ENTREP2: variants seen among roughly 807,000 people sequenced by gnomAD.
The protein encoded by ENTREP2 is protein ENTREP2.
At chr15:29,609,837 A>G in the ENTREP2 span, 18 of 150,526 alleles carry the variant, frequency 1.2e-4, no homozygotes, top group African/African-American at 4.4e-4. Flanking sequence ...ATATGAACAC[A>G]GTAGGTGCTC....
At chr15:29,269,260 C>CTCT in the ENTREP2 span, 4 of 1,614,030 alleles carry the variant, frequency 2.5e-6, no homozygotes, top group African/African-American at 1.3e-5. Flanking sequence ...GTAAGTGTTG[C>CTCT]TCTTGGGTTC....
chr15:29,160,295 T>C, the ENTREP2 span, among the ~76,000 whole-genome samples: 1 of 152,162 alleles, frequency 6.6e-6, no homozygotes, highest in African/African-American at 2.4e-5. Flanking sequence ...GAACCGACTC[T>C]GGCCTTGGCA....
At chr15:29,596,472 G>A in the ENTREP2 span, among the ~76,000 whole-genome samples, 1 of 152,086 alleles carries the variant, frequency 6.6e-6, no homozygotes, top group Non-Finnish European at 1.5e-5. Context: ...TCCCTAGGGG[G>A]CACAACTTTA....
chr15:29,255,661 AT>A, the ENTREP2 span, among the ~76,000 whole-genome samples: 1 of 152,128 alleles, frequency 6.6e-6, no homozygotes, highest in African/African-American at 2.4e-5. Context: ...GATAAGGAAA[AT>A]TCCATGGTAC....
At chr15:29,655,793 A>AG in the ENTREP2 span, among the ~76,000 whole-genome samples, 13 of 152,298 alleles carry the variant, frequency 8.5e-5, no homozygotes, top group South Asian at 2.1e-4. Flanking sequence ...GAGGAGGCCA[A>AG]GGGGGGTGGA....
chr15:29,366,862 A>G, the ENTREP2 span, among the ~76,000 whole-genome samples: 2 of 152,156 alleles, frequency 1.3e-5, no homozygotes, highest in Non-Finnish European at 2.9e-5. Flanking sequence ...CTCAAATAAG[A>G]CCCTTGAACA....
chr15:29,365,757 A>G, the ENTREP2 span, among the ~76,000 whole-genome samples: 29 of 152,150 alleles, frequency 1.9e-4, no homozygotes, highest in South Asian at 5.4e-3. Context: ...ACAAAACTGA[A>G]TCTAATAAAG....
chr15:29,157,697 G>C, the ENTREP2 span, among the ~76,000 whole-genome samples: 3 of 150,912 alleles, frequency 2.0e-5, no homozygotes, highest in Non-Finnish European at 2.9e-5. Context: ...TATCTCAGGA[G>C]AACAATTCAA....
the ENTREP2 span, among the ~76,000 whole-genome samples, chr15:29,291,016 G>A: frequency 6.6e-6 from 1 of 152,174 alleles, no homozygotes; most frequent in African/African-American, 2.4e-5. Flanking sequence ...TGAGTCTGGT[G>A]AATGGACATG....
At chr15:29,402,277 T>C in the ENTREP2 span, among the ~76,000 whole-genome samples, 4 of 141,462 alleles carry the variant, frequency 2.8e-5, no homozygotes, top group Non-Finnish European at 6.1e-5. Flanking sequence ...CACACACATA[T>C]ATATGTATAT....
chr15:29,138,645 ATGTG>A, the ENTREP2 span, among the ~76,000 whole-genome samples: 2 of 150,358 alleles, frequency 1.3e-5, no homozygotes, highest in African/African-American at 2.5e-5. Flanking sequence ...GTATATGTGT[ATGTG>A]TATGTGCATG....
the ENTREP2 span, among the ~76,000 whole-genome samples, chr15:29,162,853 G>A: frequency 5.7e-4 from 87 of 152,136 alleles, no homozygotes; most frequent in African/African-American, 2.0e-3. Context: ...AGGCCAACCC[G>A]CACAAAAATA....
chr15:29,177,068 G>A, the ENTREP2 span, among the ~76,000 whole-genome samples: 1 of 152,206 alleles, frequency 6.6e-6, no homozygotes, highest in African/African-American at 2.4e-5. Flanking sequence ...GGAAGAGTTG[G>A]AGGGACGCCC....
chr15:29,444,174 GAAAGAAAGAAAGAAAGAAAGAAAGAA>G, the ENTREP2 span, among the ~76,000 whole-genome samples: 2 of 29,686 alleles, frequency 6.7e-5, no homozygotes, highest in African/African-American at 2.8e-4. Context: ...GACAGACAAA[GAAAGAAAGAAAGAAAGAAAGAAAGAA>G]AGAAAGAAAG....
the ENTREP2 span, among the ~76,000 whole-genome samples, chr15:29,149,078 T>C: frequency 2.0e-5 from 3 of 152,168 alleles, no homozygotes; most frequent in African/African-American, 4.8e-5. Context: ...GGTTTCACCA[T>C]GTTGACCAGG....
At chr15:29,554,116 C>T in the ENTREP2 span, among the ~76,000 whole-genome samples, 4 of 152,006 alleles carry the variant, frequency 2.6e-5, no homozygotes, top group East Asian at 7.8e-4. Context: ...AGTTTGAGAC[C>T]AGCCTGATCA....
At chr15:29,126,378 G>C in the ENTREP2 span, 121 of 1,545,322 alleles carry the variant, frequency 7.8e-5, 1 homozygote, top group African/African-American at 1.4e-3. Context: ...ACATGGCCAG[G>C]GGGAAGGGCA....
At chr15:29,672,572 G>A in the ENTREP2 span, among the ~76,000 whole-genome samples, 5 of 151,956 alleles carry the variant, frequency 3.3e-5, no homozygotes, top group East Asian at 1.9e-4. Context: ...CACCACACAC[G>A]GTCCATGTGT....
the ENTREP2 span, among the ~76,000 whole-genome samples, chr15:29,332,718 C>T: frequency 1.7e-4 from 26 of 151,968 alleles, no homozygotes; most frequent in African/African-American, 4.6e-4. Context: ...CCAGCACTTT[C>T]GGAGGCCAAG....
Sources: gnomAD v4.1 joint callset for allele counts (sites outside exome capture counted in the v4.1 genomes callset) on GRCh38, gnomAD v4.1.1 for gene constraint, MANE v1.5 for transcripts, NCBI Gene and HGNC (gene_info 2026-07-23, HGNC 2026-07-21) for gene names.